The following GNG4 variants were observed in gnomAD, a reference collection of about 807,000 sequenced individuals.
GNG4 encodes G protein subunit gamma 4, also known as guanine nucleotide-binding protein G(I)/G(S)/G(O) subunit gamma-4.
A neutral mutation model predicts 5.8 loss-of-function variants in GNG4; 4 were observed. That is an observed-to-expected ratio of 0.69 (90% CI 0.34 to 1.57). GNG4 has a LOEUF of 1.57. GNG4 is among the 40% of genes most tolerant of loss of function. GNG4 has a pLI of 0.06. For synonymous variants in GNG4, 29 were observed against 32.9 expected, an observed-to-expected ratio of 0.88 and a Z score of 0.41; for missense variants, 96 against 95.1, an observed-to-expected ratio of 1.01 and a Z score of -0.04.
At chr1:235,565,756 TTAGGTTTGAC>T (rs1460328940) in intron 3 of GNG4, 6 of 152,198 alleles carry the variant, frequency 3.9e-5, no homozygotes, top group Admixed American at 2.6e-4. Flanking sequence ...TTAGGTTTGC[TTAGGTTTGAC>T]AGCTTCTCAG....
chr1:235,562,749 C>T (rs550833171), intron 3 of GNG4, among the ~76,000 whole-genome samples: 1 of 149,592 alleles, frequency 6.7e-6, no homozygotes, highest in Non-Finnish European at 1.5e-5. Context: ...TTGGGAAAAA[C>T]TGCTATTTTA....
At chr1:235,576,382 G>C (rs1427517346) in intron 3 of GNG4, among the ~76,000 whole-genome samples, 1 of 152,102 alleles carries the variant, frequency 6.6e-6, no homozygotes, top group East Asian at 1.9e-4. Flanking sequence ...TTTTCTAATA[G>C]AGTTTTAGAT....
At chr1:235,585,976 C>T (rs1687748949) in intron 2 of GNG4, among the ~76,000 whole-genome samples, 1 of 152,106 alleles carries the variant, frequency 6.6e-6, no homozygotes, top group Non-Finnish European at 1.5e-5. Context: ...AAGAAATTTT[C>T]TATTTGGCCA....
chr1:235,573,776 C>CA (rs1289869646), intron 3 of GNG4, among the ~76,000 whole-genome samples: 12 of 150,154 alleles, frequency 8.0e-5, no homozygotes, highest in South Asian at 2.1e-4. Context: ...GATTCCATCT[C>CA]AAAAAAAAGG....
At chr1:235,587,535 GTCAGGGT>G in intron 2 of GNG4, among the ~76,000 whole-genome samples, 1 of 60,206 alleles carries the variant, frequency 1.7e-5, no homozygotes, top group Non-Finnish European at 3.3e-5. Flanking sequence ...GTGGGTGTGT[GTCAGGGT>G]GTGGGTTGGG....
chr1:235,563,890 G>T (rs1687130338), intron 3 of GNG4, among the ~76,000 whole-genome samples: 1 of 152,178 alleles, frequency 6.6e-6, no homozygotes. Flanking sequence ...TCCTTCCTCA[G>T]ACTGTTCTGC....
intron 1 of GNG4, among the ~76,000 whole-genome samples, chr1:235,606,420 TG>T (rs759057790): frequency 9.2e-4 from 139 of 151,556 alleles, no homozygotes; most frequent in Non-Finnish European, 1.3e-3. Flanking sequence ...GAGGAAACCA[TG>T]GGAGTCTAGA....
At chr1:235,607,600 T>TCTCCC (rs2102966496) in intron 1 of GNG4, among the ~76,000 whole-genome samples, 1 of 152,374 alleles carries the variant, frequency 6.6e-6, no homozygotes, top group Non-Finnish European at 1.5e-5. Context: ...CCAGTGTGAA[T>TCTCCC]TTAGTGGGTC....
At chr1:235,600,704 T>C (rs1688241226) in intron 1 of GNG4, among the ~76,000 whole-genome samples, 1 of 152,262 alleles carries the variant, frequency 6.6e-6, no homozygotes, top group African/African-American at 2.4e-5. Flanking sequence ...ATTACAGGCA[T>C]GAGCCACCAC....
rs1438774853 is a variant in GNG4 at position 235,644,825 on chromosome 1, TC to T, written c.-123+4836del. On this transcript the variant is annotated intron_variant, in intron 1 of 3. Transcript: ENST00000391854. This position sits in a 1 kb window ranked among gnomAD's most constrained non-coding sequence, Gnocchi z 5.9. ...AGAGCCGCAGGGCAGGGCAGATGGC[TC>T]CTCAGATCGGGCTGGAGAGACATCC... Among the ~76,000 whole-genome samples, 1 of 152,106 alleles carries T rather than the reference TC, an allele frequency of 6.6e-6. No individual in the cohort carries two copies. The highest frequency in any genetic ancestry group is 2.4e-5 in the African/African-American group (1 of 41,410).
chr1:235,555,336 C>T (rs1686873059), intron 3 of GNG4, among the ~76,000 whole-genome samples: 1 of 151,996 alleles, frequency 6.6e-6, no homozygotes. Flanking sequence ...TGTGGCTGAC[C>T]CATATTAAAC....
At chr1:235,633,344 C>T (rs1466053437) in intron 1 of GNG4, among the ~76,000 whole-genome samples, 1 of 152,142 alleles carries the variant, frequency 6.6e-6, no homozygotes, top group African/African-American at 2.4e-5. Context: ...ACAAGATCTG[C>T]CCTCTGTGCC....
intron 3 of GNG4, among the ~76,000 whole-genome samples, chr1:235,555,156 C>T (rs545327954): frequency 6.6e-6 from 1 of 152,226 alleles, no homozygotes; most frequent in South Asian, 2.1e-4. Context: ...CACTTGCACG[C>T]CACTGTGGAT....
chr1:235,635,290 A>G (rs939967786), intron 1 of GNG4, among the ~76,000 whole-genome samples: 1 of 152,140 alleles, frequency 6.6e-6, no homozygotes, highest in Non-Finnish European at 1.5e-5. Context: ...TGAGGTCAGC[A>G]GTTCGAGACC....
chr1:235,635,656 A>T (rs564623542), intron 1 of GNG4, among the ~76,000 whole-genome samples: 1 of 46,200 alleles, frequency 2.2e-5, no homozygotes, highest in South Asian at 7.5e-4. Context: ...TCTTTTCTTT[A>T]TCAATCACTG....
intron 2 of GNG4, among the ~76,000 whole-genome samples, chr1:235,590,978 C>T (rs575878275): frequency 6.6e-6 from 1 of 152,258 alleles, no homozygotes; most frequent in African/African-American, 2.4e-5. Context: ...TCGAGTGGCT[C>T]TGGGGTAGGG....
intron 3 of GNG4, among the ~76,000 whole-genome samples, chr1:235,573,416 T>A (rs892005127): frequency 3.3e-5 from 5 of 151,728 alleles, no homozygotes; most frequent in African/African-American, 7.3e-5. Flanking sequence ...ATGGCACACG[T>A]ATACATATGT....
At chr1:235,587,820 G>A (rs751588636) in intron 2 of GNG4, among the ~76,000 whole-genome samples, 3 of 145,940 alleles carry the variant, frequency 2.1e-5, no homozygotes, top group East Asian at 2.0e-4. Flanking sequence ...ATACAGGCAC[G>A]TCTCAGAGCA....
At chr1:235,559,975 C>T (rs181338055) in intron 3 of GNG4, among the ~76,000 whole-genome samples, 5 of 152,280 alleles carry the variant, frequency 3.3e-5, no homozygotes, top group Admixed American at 6.5e-5. Context: ...CTAGATCCAC[C>T]CTGGACCTTG....
Sources: gnomAD v4.1 joint callset for allele counts (sites outside exome capture counted in the v4.1 genomes callset) on GRCh38, gnomAD v4.1.1 for gene constraint, Gnocchi (gnomAD v3.1) non-coding constraint, MANE v1.5 for transcripts, NCBI Gene and HGNC (gene_info 2026-07-23, HGNC 2026-07-21) for gene names.